APC2: variants seen among roughly 807,000 people sequenced by gnomAD.
The protein encoded by APC2 is adenomatous polyposis coli protein 2.
Under a neutral mutation model 72.5 loss-of-function variants are expected in APC2, and 41 were observed. That is an observed-to-expected ratio of 0.57 (90% CI 0.44 to 0.73). APC2 has a LOEUF of 0.73. Among genes scored for constraint, APC2 ranks in the 30% least tolerant of loss-of-function variants. The pLI is 0.00. For synonymous variants in APC2, 1,898 were observed against 1,612.0 expected, an observed-to-expected ratio of 1.18 and a Z score of -4.25; for missense variants, 3,729 against 3,403.4, an observed-to-expected ratio of 1.10 and a Z score of -2.38.
At position 1,460,268 on chromosome 19, in the gene APC2, G is replaced by A. The variant is rs777280638; in HGVS notation, c.1391G>A (p.Arg464His). The part of the protein sequence containing the change: ...TRDPLNLALR[R>H]YAGMTLTNLT... ...GACCCGCTGAACCTGGCGCTGCGCC[G>A]CTACGCGGGCATGACCCTCACCAAC... is the stretch of plus-strand genomic sequence containing the variant. Residue 464 changes from arginine (R) to histidine (H), a missense_variant, in exon 11 of 15, where the codon CGC becomes CAC. Transcript: ENST00000590469. 19 of 1,613,532 alleles carry A rather than the reference G, an allele frequency of 1.2e-5. No individual in the cohort carries two copies. Among genetic ancestry groups the A allele is most frequent in the South Asian group, 4.4e-5 (4 of 91,088 alleles).
chr19:1,452,892 G>T lies in APC2; in HGVS notation c.-18-92G>T. 6.9e-7 allele frequency: 1 copy of T among 1,444,174 alleles called. No homozygotes were observed. Among genetic ancestry groups the T allele is most frequent in the Admixed American group, 2.2e-5 (1 of 45,384 alleles). The allele number at this position is 1,444,174 out of a possible 1,614,324, so 89.5% of individuals were successfully genotyped here. The stretch of plus-strand genomic sequence containing the variant: ...CCCCCAACCCAGGATCAGGCAGGAC[G>T]GCTGGGGCTTAGGTCAGGGGCCGTC... On this transcript the variant is annotated intron_variant, in intron 1 of 14. Coordinates refer to ENST00000590469, the MANE Select transcript of APC2 (RefSeq NM_005883.3). The surrounding 1 kb of genome is among the most constrained non-coding windows in gnomAD (Gnocchi z 5.1).
rs559473525 is a variant in APC2, at chr19:1,467,686, G to T, written c.4385G>T (p.Arg1462Ile). 2 of 1,471,244 alleles carry T rather than the reference G, an allele frequency of 1.4e-6. No individual in the cohort carries two copies. Among genetic ancestry groups the T allele is most frequent in the South Asian group, 1.3e-5 (1 of 74,740 alleles). 91.1% of individuals were successfully genotyped at this position (1,471,244 alleles called of 1,614,324 possible). A position where few individuals can be genotyped will look rare whatever the true frequency, so the allele number is the denominator to read the frequency against. The change falls in exon 15 of 15, where the codon AGA becomes ATA. Residue 1462 changes from arginine to isoleucine, a missense_variant. Physicochemically the swap from Arg to Ile is moderately conservative, Grantham distance 97. Coordinates refer to ENST00000590469, the MANE Select transcript of APC2 (RefSeq NM_005883.3). ...CAGTCTCGGGGCGCGGGCAAGAACA[G>T]AGCAGGGCTGGAGCTGCCCCTGGGC... Reference protein sequence around the residue: ...AEQSRGAGKNRAGLELPLGRP... With the variant: ...AEQSRGAGKNIAGLELPLGRP...
At chr19:1,460,673 C>T (rs2083908212) in intron 11 of APC2, 107 bp from the exon 12 acceptor site, 1 of 1,184,336 alleles carries the variant, frequency 8.4e-7, no homozygotes, top group Non-Finnish European at 1.2e-6. Context: ...TCAGGATCAG[C>T]AGGGGTCTGA....
At chr19:1,462,223 G>T (rs754827758) in intron 14 of APC2, 46 bp downstream of exon 14, 5 of 1,491,214 alleles carry the variant, frequency 3.4e-6, no homozygotes, top group East Asian at 2.5e-5. Context: ...TGCGCTCGGG[G>T]CGGGCACAGG....
rs763540654 is a variant in APC2 at position 1,457,252 on chromosome 19, C to T, written c.1207+9C>T. The T allele has an allele frequency of 4.6e-6, 7 of 1,516,028 alleles. No homozygotes were observed. Among genetic ancestry groups the T allele is most frequent in the Non-Finnish European group, 6.2e-6 (7 of 1,137,166 alleles). 93.9% of individuals were successfully genotyped at this position (1,516,028 alleles called of 1,614,324 possible). On this transcript the variant is annotated intron_variant, in intron 9 of 14. Coordinates refer to ENST00000590469, the MANE Select transcript of APC2 (RefSeq NM_005883.3). ...AGGTGGCGCCGGCAGCGGTGAGTGCCTGGCCTGGTGGGCCCCCTCCGCGCA... is the reference window on the plus strand; with the variant it reads ...AGGTGGCGCCGGCAGCGGTGAGTGCTTGGCCTGGTGGGCCCCCTCCGCGCA...
In APC2 at chr19:1,467,214, G is replaced by A. The variant is rs556184977; in HGVS notation, c.3913G>A (p.Gly1305Ser). The stretch of plus-strand genomic sequence containing the variant: ...GCTGCCCTCGGCCTGCCCCGAGCGC[G>A]GCGGGGGCGCCGGGGGCGCCGGCCT... ...RLLPSACPER[G>S]GGAGGAGLHF... The change falls in exon 15 of 15, where the codon GGC (glycine) becomes AGC (serine). Residue 1305 changes from glycine to serine, a missense_variant. By Grantham distance (56) the Gly-to-Ser change is moderately conservative (BLOSUM62 0). Coordinates refer to ENST00000590469, the MANE Select transcript of APC2 (RefSeq NM_005883.3). 39 of 1,402,882 alleles carry A rather than the reference G, an allele frequency of 2.8e-5. No individual in the cohort carries two copies. The Admixed American group carries it at 4.3e-4, about 15-fold the overall frequency. The allele number at this position is 1,402,882 out of a possible 1,614,324, so 86.9% of individuals were successfully genotyped here. A position where few individuals can be genotyped will look rare whatever the true frequency, so the allele number is the denominator to read the frequency against.
At position 1,452,870 on chromosome 19, in the gene APC2, C is replaced by CG. The variant is rs956397246; in HGVS notation, c.-18-114_-18-113insG. Reference sequence around the variant, plus strand: ...CAGTGACTCCTGCCTGAGACCCCCCCCAACCCAGGATCAGGCAGGACGGCT... The same window carrying CG: ...CAGTGACTCCTGCCTGAGACCCCCCCGCAACCCAGGATCAGGCAGGACGGCT... On this transcript the variant is annotated intron_variant, in intron 1 of 14. Coordinates refer to ENST00000590469, the MANE Select transcript of APC2 (RefSeq NM_005883.3). This position sits in a 1 kb window ranked among gnomAD's most constrained non-coding sequence, Gnocchi z 5.1. 3.0e-6 allele frequency: 4 copies of CG among 1,318,476 alleles called. No individual in the cohort carries two copies. In the African/African-American group the frequency reaches 5.9e-5, roughly 19 times the overall value. 81.7% of individuals were successfully genotyped at this position (1,318,476 alleles called of 1,614,324 possible). A position where few individuals can be genotyped will look rare whatever the true frequency, so the allele number is the denominator to read the frequency against.
chr19:1,461,726 T>G (rs543188656), intron 13 of APC2: 2 of 506,322 alleles, frequency 4.0e-6, no homozygotes, highest in Non-Finnish European at 6.9e-6. Flanking sequence ...GTGGCGGGTG[T>G]CTGTAGTCCC....
Position 1,465,337 on chromosome 19 carries a change from A to G in APC2, c.2036A>G (p.Lys679Arg). 4 of 1,590,984 alleles carry G rather than the reference A, an allele frequency of 2.5e-6. No homozygotes were observed. Among genetic ancestry groups the G allele is most frequent in the Non-Finnish European group, 3.4e-6 (4 of 1,174,866 alleles). ...VGMLRNLVHS[K>R]HKMIAMGSAA... ...ATGCTGCGTAATCTGGTGCACTCCA[A>G]GCACAAGATGATCGCCATGGGCAGC... Residue 679 changes from lysine to arginine, a missense_variant, in exon 15 of 15, where the codon AAG (lysine) becomes AGG (arginine). By Grantham distance (26) the Lys-to-Arg change is conservative. Transcript: ENST00000590469.
chr19:1,455,322 G>A, intron 5 of APC2, 62 bp from the exon 6 acceptor site: 1 of 1,586,948 alleles, frequency 6.3e-7, no homozygotes, highest in East Asian at 2.3e-5. Flanking sequence ...AAGCGGCGTG[G>A]GGGAGGAACG....
In APC2 at chr19:1,470,014, C is replaced by A. The variant is rs763260645; in HGVS notation, c.6713C>A (p.Ala2238Asp). The A allele has an allele frequency of 3.9e-6, 6 of 1,549,452 alleles. No individual in the cohort carries two copies. In the Admixed American group the frequency reaches 9.3e-5, roughly 24 times the overall value. The change falls in exon 15 of 15, where the codon GCT (alanine) becomes GAT (aspartate). Residue 2238 changes from alanine (A) to aspartate (D), a missense_variant. By Grantham distance (126) the Ala-to-Asp change is moderately radical. Coordinates refer to ENST00000590469, the MANE Select transcript of APC2 (RefSeq NM_005883.3). ...SDVDGPSLAKAPISAPFVHEG... is the reference protein window; with the variant it reads ...SDVDGPSLAKDPISAPFVHEG... ...GTGGACGGTCCCAGCCTCGCCAAGG[C>A]TCCCATCTCCGCACCCTTCGTGCAC... is the stretch of plus-strand genomic sequence containing the variant.
intron 14 of APC2, 37 bp downstream of exon 14, chr19:1,462,214 G>A (rs1446921888): frequency 2.0e-6 from 3 of 1,502,362 alleles, no homozygotes; most frequent in Non-Finnish European, 2.7e-6. Flanking sequence ...ACAGGCAGCT[G>A]CGCTCGGGGC....
In APC2 at chr19:1,469,558, TGC is replaced by T; in HGVS notation, c.6264_6265del (p.Pro2089ArgfsTer63). The T allele has an allele frequency of 8.1e-7, 1 of 1,231,556 alleles. No individual in the cohort carries two copies. Among genetic ancestry groups the T allele is most frequent in the Non-Finnish European group, 1.0e-6 (1 of 972,050 alleles). 76.3% of individuals were successfully genotyped at this position (1,231,556 alleles called of 1,614,324 possible). On this transcript the variant is annotated frameshift_variant, in exon 15 of 15. Transcript: ENST00000590469. LOFTEE classifies it low-confidence loss of function (END_TRUNC). Reference sequence around the variant, plus strand: ...TCCGAGAGCCCGTCCCGCCTGCCTGTGCGCGCGCCCGCCGCCCGGCCGGAGAC... The same window carrying T: ...TCCGAGAGCCCGTCCCGCCTGCCTGTGCGCGCCCGCCGCCCGGCCGGAGAC...
At chr19:1,464,367 A>G (rs746193818) in intron 14 of APC2, among the ~76,000 whole-genome samples, 1 of 151,860 alleles carries the variant, frequency 6.6e-6, no homozygotes, top group Non-Finnish European at 1.5e-5. Context: ...TTAAAATAAA[A>G]ATATTTACAT....
In APC2 at chr19:1,467,271, G is replaced by C. The variant is rs367732494; in HGVS notation, c.3970G>C (p.Gly1324Arg). Reference protein sequence around the residue: ...HFAGHRRREEGPAPTGSRPRG... With the variant: ...HFAGHRRREERPAPTGSRPRG... Reference sequence around the variant, plus strand: ...TGCAGGGCACCGGCGGCGGGAGGAGGGGCCGGCGCCCACGGGTTCTCGCCC... The same window carrying C: ...TGCAGGGCACCGGCGGCGGGAGGAGCGGCCGGCGCCCACGGGTTCTCGCCC... The change falls in exon 15 of 15, where the codon GGG (glycine) becomes CGG (arginine). Residue 1324 changes from glycine (G) to arginine (R), a missense_variant. Gly to Arg is a moderately radical substitution (Grantham distance 125, BLOSUM62 -2). Coordinates refer to ENST00000590469, the MANE Select transcript of APC2 (RefSeq NM_005883.3). 15 of 1,305,496 alleles carry C rather than the reference G, an allele frequency of 1.1e-5. No individual in the cohort carries two copies. Among genetic ancestry groups the C allele is most frequent in the East Asian group, 9.4e-5 (3 of 31,992 alleles). 80.9% of individuals were successfully genotyped at this position (1,305,496 alleles called of 1,614,324 possible).
chr19:1,451,604 G>A (rs906862174), intron 1 of APC2: 3 of 152,304 alleles, frequency 2.0e-5, no homozygotes, highest in Non-Finnish European at 2.9e-5. Context: ...AGAGGGGCGG[G>A]TCTTGTCGGG....
Position 1,467,200 on chromosome 19 carries a change from C to G in APC2, c.3899C>G (p.Ala1300Gly), listed in dbSNP as rs2084032724. 2.1e-6 allele frequency: 3 copies of G among 1,455,872 alleles called. No individual in the cohort carries two copies. The African/African-American group carries it at 4.4e-5, about 21-fold the overall frequency. 90.2% of individuals were successfully genotyped at this position (1,455,872 alleles called of 1,614,324 possible). Residue 1300 changes from alanine (A) to glycine (G), a missense_variant, in exon 15 of 15, where the codon GCC (alanine) becomes GGC (glycine). Physicochemically the swap from Ala to Gly is moderately conservative, Grantham distance 60. Transcript: ENST00000590469. ...QDVELRLLPS[A>G]CPERGGGAGG... ...GTGGAGCTGCGGCTGCTGCCCTCGG[C>G]CTGCCCCGAGCGCGGCGGGGGCGCC...
At position 1,466,527 on chromosome 19, in the gene APC2, C is replaced by A. The variant is rs779044971; in HGVS notation, c.3226C>A (p.Leu1076Met). ...GTCCCGATGCAGCTCCCTTTCCTCG[C>A]TGTCCTCGGCCGGCCGCCCAGGCCC... The part of the protein sequence containing the change: ...SLSRCSSLSS[L>M]SSAGRPGPSE... Residue 1076 changes from leucine (L) to methionine (M), a missense_variant, in exon 15 of 15, where the codon CTG becomes ATG. Physicochemically the swap from Leu to Met is conservative, Grantham distance 15. Coordinates refer to ENST00000590469, the MANE Select transcript of APC2 (RefSeq NM_005883.3). 3.1e-6 allele frequency: 5 copies of A among 1,591,490 alleles called. No homozygotes were observed. Among genetic ancestry groups the A allele is most frequent in the Non-Finnish European group, 3.4e-6 (4 of 1,176,550 alleles).
rs2145255838 is a variant in APC2, at chr19:1,468,889, C to A, written c.5588C>A (p.Thr1863Lys). 1 of 1,526,656 alleles carries A rather than the reference C, an allele frequency of 6.6e-7. No homozygotes were observed. Among genetic ancestry groups the A allele is most frequent in the East Asian group, 2.5e-5 (1 of 39,992 alleles). The allele number at this position is 1,526,656 out of a possible 1,614,324, so 94.6% of individuals were successfully genotyped here. ...CTGAGCCAGCCCCCCAGAAGCGCCA[C>A]ACCGCCCGCCCGCCTCGCCAAGACC... The part of the protein sequence containing the change: ...ATLSQPPRSA[T>K]PPARLAKTPS... The change falls in exon 15 of 15, where the codon ACA becomes AAA. Residue 1863 changes from threonine (T) to lysine (K), a missense_variant. Thr to Lys is a moderately conservative substitution (Grantham distance 78). Transcript: ENST00000590469.
Sources: allele counts gnomAD v4.1 joint callset (sites outside exome capture counted in the v4.1 genomes callset), GRCh38; gene constraint gnomAD v4.1.1; non-coding constraint Gnocchi (gnomAD v3.1); transcripts MANE v1.5; gene names NCBI Gene and HGNC (gene_info 2026-07-23, HGNC 2026-07-21).